ME1: variants seen among roughly 807,000 people sequenced by gnomAD.
ME1 encodes NADP-dependent malic enzyme.
ME1 carries 74 observed loss-of-function variants against 66.4 expected under a neutral mutation model. The ratio of observed to expected loss-of-function variants is 1.11; its 90% CI spans 0.92 to 1.35. ME1 has a LOEUF of 1.35. ME1 is among the 40% of genes most tolerant of loss of function. ME1 has a pLI of 0.00. For synonymous variants in ME1, 251 were observed against 235.6 expected, an observed-to-expected ratio of 1.07 and a Z score of -0.60; for missense variants, 750 against 694.1, an observed-to-expected ratio of 1.08 and a Z score of -0.90.
chr6:83,412,444 CA>C, intron 1 of ME1, among the ~76,000 whole-genome samples: 1 of 151,754 alleles, frequency 6.6e-6, no homozygotes, highest in Non-Finnish European at 1.5e-5. Context: ...CATAGGCAAT[CA>C]AAAAAATGTG....
intron 9 of ME1, among the ~76,000 whole-genome samples, chr6:83,237,397 G>T (rs9444052): frequency 8.4e-6 from 1 of 118,830 alleles, no homozygotes; most frequent in Non-Finnish European, 1.7e-5. Context: ...AAGGAAGGAA[G>T]GAAAGAAAGA....
At chr6:83,386,358 C>T (rs1419458606) in intron 3 of ME1, among the ~76,000 whole-genome samples, 1 of 151,946 alleles carries the variant, frequency 6.6e-6, no homozygotes, top group Non-Finnish European at 1.5e-5. Flanking sequence ...CAAAAATATT[C>T]CCTGGTTTTC....
chr6:83,355,242 GGCAATATA>G (rs551071017), intron 3 of ME1, among the ~76,000 whole-genome samples: 149 of 152,150 alleles, frequency 9.8e-4, no homozygotes, highest in Non-Finnish European at 1.3e-3. Context: ...AGACATTCTT[GGCAATATA>G]CTATTTTTTA....
intron 1 of ME1, among the ~76,000 whole-genome samples, chr6:83,424,096 CAAAA>C (rs34763202): frequency 1.7e-5 from 2 of 114,900 alleles, no homozygotes; most frequent in African/African-American, 3.0e-5. Context: ...GACCCTGTCT[CAAAA>C]AAAAAAAAAA....
chr6:83,321,425 A>G (rs1315358672), intron 5 of ME1, among the ~76,000 whole-genome samples: 2 of 152,192 alleles, frequency 1.3e-5, no homozygotes, highest in African/African-American at 4.8e-5. Context: ...TCTTGCTGCC[A>G]GCACAGCAGT....
chr6:83,284,755 C>T (rs1280051094), intron 6 of ME1, among the ~76,000 whole-genome samples: 3 of 152,038 alleles, frequency 2.0e-5, no homozygotes, highest in Non-Finnish European at 2.9e-5. Flanking sequence ...ATTAAACTGA[C>T]AAAACCTGGA....
At chr6:83,317,186 A>G (rs568553234) in intron 5 of ME1, among the ~76,000 whole-genome samples, 1 of 152,356 alleles carries the variant, frequency 6.6e-6, no homozygotes, top group South Asian at 2.1e-4. Flanking sequence ...AAAGATGTGC[A>G]TAGCAAAATA....
intron 5 of ME1, among the ~76,000 whole-genome samples, chr6:83,319,441 C>G (rs184072421): frequency 6.6e-5 from 10 of 152,162 alleles, no homozygotes; most frequent in African/African-American, 2.4e-4. Flanking sequence ...GTGAATGGAG[C>G]CTCTGTCAAA....
intron 3 of ME1, among the ~76,000 whole-genome samples, chr6:83,388,781 T>C (rs779308497): frequency 6.6e-6 from 1 of 152,168 alleles, no homozygotes; most frequent in Non-Finnish European, 1.5e-5. Context: ...CAAACTGTTG[T>C]ATTAGCTCAT....
intron 5 of ME1, among the ~76,000 whole-genome samples, chr6:83,342,060 G>A (rs1227890598): frequency 6.6e-6 from 1 of 152,134 alleles, no homozygotes; most frequent in Non-Finnish European, 1.5e-5. Context: ...ATGTTTGCTA[G>A]GAGTGTGACC....
chr6:83,281,874 A>C (rs1352758811), intron 6 of ME1, among the ~76,000 whole-genome samples: 2 of 150,216 alleles, frequency 1.3e-5, no homozygotes, highest in Non-Finnish European at 3.0e-5. Context: ...AAAGAGAGAA[A>C]AAAACAGAAA....
At chr6:83,228,795 T>G in intron 10 of ME1, 31 bp downstream of exon 10, 1 of 1,381,144 alleles carries the variant, frequency 7.2e-7, no homozygotes, top group Non-Finnish European at 1.0e-6. Flanking sequence ...AAATAAGGGG[T>G]AGGGGAGAAG....
rs568287076 is a variant in ME1 at position 83,352,186 on chromosome 6, G to T, written c.363-47C>A. 6.3e-6 allele frequency: 8 copies of T among 1,274,452 alleles called. No homozygotes were observed. In the East Asian group the frequency reaches 1.9e-4, roughly 31 times the overall value. 78.9% of individuals were successfully genotyped at this position (1,274,452 alleles called of 1,614,324 possible). A position where few individuals can be genotyped will look rare whatever the true frequency, so the allele number is the denominator to read the frequency against. On this transcript the variant is annotated intron_variant, in intron 3 of 13. Transcript: ENST00000369705. ...AAGGAGTAGTTTACATTTACTTCAG[G>T]CCTGTCAAACTACCATGAATATCTT...
intron 3 of ME1, among the ~76,000 whole-genome samples, chr6:83,368,589 G>T (rs1769141758): frequency 6.6e-6 from 1 of 152,032 alleles, no homozygotes; most frequent in African/African-American, 2.4e-5. Flanking sequence ...CTTCAAAGGA[G>T]TCAAATGTTA....
At chr6:83,401,247 A>C (rs1769832619) in intron 2 of ME1, among the ~76,000 whole-genome samples, 1 of 152,204 alleles carries the variant, frequency 6.6e-6, no homozygotes, top group African/African-American at 2.4e-5. Flanking sequence ...AGGCAGGAGA[A>C]CTGTTTGAGC....
At chr6:83,313,362 C>A (rs1406118920) in intron 6 of ME1, among the ~76,000 whole-genome samples, 2 of 151,908 alleles carry the variant, frequency 1.3e-5, no homozygotes, top group African/African-American at 4.8e-5. Context: ...TGTTTCCTTA[C>A]AAAGAACTAA....
chr6:83,284,230 A>G (rs569414803), intron 6 of ME1, among the ~76,000 whole-genome samples: 33 of 152,234 alleles, frequency 2.2e-4, no homozygotes, highest in Non-Finnish European at 8.8e-5. Context: ...TCCAAAATTG[A>G]ATTAGTAATA....
At chr6:83,319,603 T>C (rs1469908358) in intron 5 of ME1, among the ~76,000 whole-genome samples, 2 of 152,182 alleles carry the variant, frequency 1.3e-5, no homozygotes, top group East Asian at 3.8e-4. Context: ...GAGAAAGTTA[T>C]TCAGCTGCTA....
chr6:83,300,967 G>A (rs999467821), intron 6 of ME1, among the ~76,000 whole-genome samples: 4 of 152,108 alleles, frequency 2.6e-5, no homozygotes, highest in African/African-American at 9.7e-5. Flanking sequence ...AACACTGCGT[G>A]TTCTCACTCA....
Sources: gnomAD v4.1 joint callset for allele counts (sites outside exome capture counted in the v4.1 genomes callset) on GRCh38, gnomAD v4.1.1 for gene constraint, MANE v1.5 for transcripts, NCBI Gene and HGNC (gene_info 2026-07-23, HGNC 2026-07-21) for gene names.